ADGB: variants seen among roughly 807,000 people sequenced by gnomAD.
ADGB encodes calpain-7-like protein.
In ADGB, 172 loss-of-function variants were observed where a neutral mutation model predicts 210.5. The observed-to-expected ratio is 0.82, with a 90% confidence interval of 0.72 to 0.93. ADGB has a LOEUF of 0.93. ADGB is among the 40% of genes least tolerant of loss of function. ADGB has a pLI of 0.00. For missense variants in ADGB, 2,025 were observed against 1,964.8 expected, an observed-to-expected ratio of 1.03 and a Z score of -0.58; for synonymous variants, 658 against 662.7, an observed-to-expected ratio of 0.99 and a Z score of 0.11.
chr6:146,690,742 T>C (rs1776292950), intron 10 of ADGB, among the ~76,000 whole-genome samples: 1 of 152,198 alleles, frequency 6.6e-6, no homozygotes, highest in Admixed American at 6.6e-5. Context: ...TAGCAATGGC[T>C]AGTTTTTTTT....
intron 7 of ADGB, among the ~76,000 whole-genome samples, chr6:146,670,538 A>G (rs1583582854): frequency 6.6e-6 from 1 of 152,286 alleles, no homozygotes; most frequent in East Asian, 1.9e-4. Context: ...ACCAAGCTTA[A>G]CCATCAACTC....
chr6:146,699,129 T>C (rs1776451825), intron 12 of ADGB, among the ~76,000 whole-genome samples: 1 of 152,040 alleles, frequency 6.6e-6, no homozygotes, highest in Admixed American at 6.6e-5. Flanking sequence ...GACATCGACA[T>C]AGATATAGAT....
intron 35 of ADGB, among the ~76,000 whole-genome samples, chr6:146,814,731 A>T (rs1854193): frequency 0.34 from 51,393 of 151,920 alleles, 9,208 homozygotes; most frequent in East Asian, 0.67. Context: ...CTTATTAATA[A>T]CTCATAAATT....
At chr6:146,689,945 A>C (rs898561780) in intron 10 of ADGB, among the ~76,000 whole-genome samples, 2 of 152,198 alleles carry the variant, frequency 1.3e-5, no homozygotes, top group African/African-American at 2.4e-5. Flanking sequence ...AATATACCAA[A>C]GGGATAAAAA....
chr6:146,611,773 C>T (rs1387509614), intron 1 of ADGB, among the ~76,000 whole-genome samples: 3 of 152,114 alleles, frequency 2.0e-5, no homozygotes, highest in Non-Finnish European at 4.4e-5. Flanking sequence ...TGCATCTAGT[C>T]AGCCATCTTG....
chr6:146,747,490 G>A (rs1402102844), intron 26 of ADGB, among the ~76,000 whole-genome samples: 3 of 152,124 alleles, frequency 2.0e-5, no homozygotes, highest in Non-Finnish European at 4.4e-5. Flanking sequence ...GGTAGCATAA[G>A]TGAAAGTTCA....
In ADGB at chr6:146,606,036, C is replaced by G. The variant is rs547235435; in HGVS notation, c.74+6922C>G. Among the ~76,000 whole-genome samples the G allele has an allele frequency of 6.1e-4, 93 of 152,236 alleles. 1 individual carries two copies. The highest frequency in any genetic ancestry group is 2.1e-3 in the African/African-American group (87 of 41,546). On this transcript the variant is annotated intron_variant, in intron 1 of 35. Coordinates refer to ENST00000397944, the MANE Select transcript of ADGB (RefSeq NM_024694.4). The stretch of plus-strand genomic sequence containing the variant: ...GGAAATGGCTGAACCAATTTACATA[C>G]CCACCACCAATGTATAAGCATCCTC...
At chr6:146,628,544 G>GT (rs559410150) in intron 1 of ADGB, among the ~76,000 whole-genome samples, 29 of 150,168 alleles carry the variant, frequency 1.9e-4, no homozygotes, top group Non-Finnish European at 3.6e-4. Context: ...CCTACCTTTT[G>GT]TTTTTTTTTA....
At chr6:146,652,366 A>C (rs1162912870) in intron 3 of ADGB, among the ~76,000 whole-genome samples, 1 of 152,148 alleles carries the variant, frequency 6.6e-6, no homozygotes, top group Non-Finnish European at 1.5e-5. Flanking sequence ...ATAATTTATG[A>C]TCTGCAGAGT....
chr6:146,719,561 C>CTAAG (rs1583604741), intron 16 of ADGB, among the ~76,000 whole-genome samples: 1 of 152,124 alleles, frequency 6.6e-6, no homozygotes, highest in African/African-American at 2.4e-5. Context: ...CACTCCAGAC[C>CTAAG]TTAGTGGCCT....
chr6:146,610,385 G>C (rs1222608101), intron 1 of ADGB, among the ~76,000 whole-genome samples: 2 of 152,178 alleles, frequency 1.3e-5, no homozygotes, highest in African/African-American at 4.8e-5. Context: ...TGGGGAGCTA[G>C]TATGGTCATT....
chr6:146,808,217 C>T (rs573815138), intron 35 of ADGB, among the ~76,000 whole-genome samples: 14 of 152,122 alleles, frequency 9.2e-5, no homozygotes, highest in African/African-American at 2.6e-4. Flanking sequence ...CCAGGCTGGT[C>T]GCGAACTCCT....
intron 2 of ADGB, chr6:146,638,921 A>AAAAAT: frequency 6.6e-6 from 1 of 151,848 alleles, no homozygotes; most frequent in Non-Finnish European, 1.5e-5. Flanking sequence ...AAAAAAAAAA[A>AAAAAT]AAATGCATTT....
chr6:146,780,551 T>C (rs981913914), intron 29 of ADGB, among the ~76,000 whole-genome samples: 1 of 152,010 alleles, frequency 6.6e-6, no homozygotes, highest in Non-Finnish European at 1.5e-5. Context: ...GTGGCTATAG[T>C]AATACCAGAC....
intron 12 of ADGB, among the ~76,000 whole-genome samples, chr6:146,697,733 A>T (rs1776426791): frequency 6.6e-6 from 1 of 152,152 alleles, no homozygotes; most frequent in Non-Finnish European, 1.5e-5. Context: ...ATAATTAAAA[A>T]CTCAAATCTT....
chr6:146,730,385 C>T (rs1562285622), intron 20 of ADGB, among the ~76,000 whole-genome samples: 2 of 152,012 alleles, frequency 1.3e-5, no homozygotes, highest in African/African-American at 2.4e-5. Flanking sequence ...AATCTTACCC[C>T]AAGCAGATAC....
chr6:146,607,849 T>C (rs1780653109), intron 1 of ADGB, among the ~76,000 whole-genome samples: 1 of 151,936 alleles, frequency 6.6e-6, no homozygotes, highest in Non-Finnish European at 1.5e-5. Context: ...GTCCTGAAGG[T>C]TTTGTTTTGG....
At chr6:146,669,590 C>T (rs999000427) in intron 7 of ADGB, among the ~76,000 whole-genome samples, 1 of 152,070 alleles carries the variant, frequency 6.6e-6, no homozygotes, top group Admixed American at 6.6e-5. Context: ...ACACTTGCTT[C>T]CCTTGGTTTC....
rs372265996 is a variant in ADGB, at chr6:146,714,629, T to A, written c.1708-753T>A. Among the ~76,000 whole-genome samples, 93 of 152,316 alleles carry A rather than the reference T, an allele frequency of 6.1e-4. 1 individual carries two copies. Among genetic ancestry groups the A allele is most frequent in the African/African-American group, 2.1e-3 (86 of 41,580 alleles). On this transcript the variant is annotated intron_variant, in intron 13 of 35. Transcript: ENST00000397944. The stretch of plus-strand genomic sequence containing the variant: ...AACCAGAAAGATTAGGGAGAAGAAG[T>A]GCAAATCCTTCTACAGACATTCAAC...
Sources: allele counts gnomAD v4.1 joint callset (sites outside exome capture counted in the v4.1 genomes callset), GRCh38; gene constraint gnomAD v4.1.1; transcripts MANE v1.5; gene names NCBI Gene and HGNC (gene_info 2026-07-23, HGNC 2026-07-21).